The following LIPA variants were observed in gnomAD, a reference collection of about 807,000 sequenced individuals.
LIPA encodes lysosomal acid lipase/cholesteryl ester hydrolase.
Under a neutral mutation model 40.6 loss-of-function variants are expected in LIPA, and 26 were observed. The observed-to-expected ratio is 0.64, with a 90% confidence interval of 0.47 to 0.89. LIPA has a LOEUF of 0.89. LIPA is among the 40% of genes least tolerant of loss of function. The probability of loss-of-function intolerance (pLI) is 0.00; values close to 1 mark genes in which losing one functional copy is unlikely to be tolerated. For missense variants in LIPA, 455 were observed against 479.6 expected (o/e 0.95, Z 0.48); for synonymous variants, 188 against 168.4 (o/e 1.12, Z -0.90).
intron 2 of LIPA, among the ~76,000 whole-genome samples, chr10:89,394,235 A>G (rs1387924588): frequency 6.6e-6 from 1 of 152,238 alleles, no homozygotes; most frequent in African/African-American, 2.4e-5. Context: ...AAACATATTT[A>G]AACATAGAGT....
intron 3 of LIPA, among the ~76,000 whole-genome samples, chr10:89,237,465 T>C (rs1205322739): frequency 1.3e-5 from 2 of 151,842 alleles, no homozygotes; most frequent in East Asian, 1.9e-4. Flanking sequence ...AAAAAAAATA[T>C]ATATATATAT....
At chr10:89,222,686 A>G in intron 7 of LIPA, 104 bp from the exon 8 acceptor site, 1 of 790,492 alleles carries the variant, frequency 1.3e-6, no homozygotes. Context: ...CTAGAGCCAT[A>G]ATCTCAAGTA....
chr10:89,412,452 G>A (rs1841476745), intron 2 of LIPA, among the ~76,000 whole-genome samples: 1 of 152,128 alleles, frequency 6.6e-6, no homozygotes, highest in South Asian at 2.1e-4. Context: ...TCTGTAAAAT[G>A]GACCAATCAG....
chr10:89,409,381 C>A (rs566695168), intron 2 of LIPA, among the ~76,000 whole-genome samples: 2 of 150,448 alleles, frequency 1.3e-5, no homozygotes, highest in Non-Finnish European at 3.0e-5. Flanking sequence ...GCCAATCACC[C>A]GGTAGGGCTT....
chr10:89,255,298 T>C (rs976837730), upstream of LIPA, among the ~76,000 whole-genome samples: 7 of 152,340 alleles, frequency 4.6e-5, no homozygotes, highest in Non-Finnish European at 7.4e-5. Flanking sequence ...ACGTCTTACA[T>C]GGCAGCAGAC....
chr10:89,299,761 A>T (rs546234054), intron 1 of LIPA, among the ~76,000 whole-genome samples: 110 of 152,300 alleles, frequency 7.2e-4, no homozygotes, highest in African/African-American at 2.6e-3. Context: ...TTAAAAAAAA[A>T]AATAACAAAT....
At chr10:89,297,503 C>G (rs1843422273) in intron 1 of LIPA, among the ~76,000 whole-genome samples, 1 of 152,182 alleles carries the variant, frequency 6.6e-6, no homozygotes, top group African/African-American at 2.4e-5. Flanking sequence ...TGACACAGCA[C>G]TGGCTAGACC....
chr10:89,230,886 G>A (rs535685101), intron 3 of LIPA, among the ~76,000 whole-genome samples: 1 of 152,274 alleles, frequency 6.6e-6, no homozygotes, highest in South Asian at 2.1e-4. Flanking sequence ...TTGTTAAGAG[G>A]AATAAGTGAG....
chr10:89,270,392 AG>A (rs1843259279), intron 1 of LIPA, among the ~76,000 whole-genome samples: 1 of 152,256 alleles, frequency 6.6e-6, no homozygotes, highest in East Asian at 1.9e-4. Context: ...CCAAGTAAGC[AG>A]GAAATAGCAA....
At chr10:89,291,983 C>T (rs924980842) in intron 1 of LIPA, 2 of 152,274 alleles carry the variant, frequency 1.3e-5, no homozygotes, top group African/African-American at 4.8e-5. Flanking sequence ...CTCTCAATTT[C>T]CAGGCTCTAG....
chr10:89,301,538 G>A (rs143405379), intron 1 of LIPA, among the ~76,000 whole-genome samples: 1 of 152,258 alleles, frequency 6.6e-6, no homozygotes, highest in African/African-American at 2.4e-5. Flanking sequence ...AACTCACTAC[G>A]CAGCTGGGCT....
rs528237482 is a variant in LIPA at position 89,379,798 on chromosome 10, G to C, written c.61+32993C>G. 2.2e-4 allele frequency among the ~76,000 whole-genome samples: 34 copies of C among 152,284 alleles called. No individual in the cohort carries two copies. The East Asian group carries it at 6.4e-3, about 29-fold the overall frequency. The stretch of plus-strand genomic sequence containing the variant: ...ACCTGTAATCCCAGCACTTTGGGAG[G>C]CCGAGATGGGCAGATCACGAGGTCA... On this transcript the variant is annotated intron_variant, in intron 2 of 8. Transcript: ENST00000371837.
At chr10:89,411,096 T>C (rs1025620142) in intron 2 of LIPA, among the ~76,000 whole-genome samples, 6 of 152,272 alleles carry the variant, frequency 3.9e-5, no homozygotes, top group African/African-American at 1.2e-4. Context: ...TTGCTGTCAG[T>C]GTAAACAAGG....
chr10:89,394,619 T>G (rs1844313254), intron 2 of LIPA, among the ~76,000 whole-genome samples: 1 of 29,018 alleles, frequency 3.4e-5, no homozygotes, highest in Admixed American at 3.5e-4. Flanking sequence ...TATATATATA[T>G]ATATATATAA....
rs370591142 is a variant in LIPA at position 89,309,654 on chromosome 10, C to A, written c.-2+32957G>T. ...TGTCCTTGCATGTCATGCCTCCAGT[C>A]CCTTGCTGGAACAGGACCCTTAGTG... On this transcript the variant is annotated intron_variant, in intron 1 of 5. Coordinates refer to the LIPA transcript ENST00000282673. Among the ~76,000 whole-genome samples, 4 of 152,230 alleles carry A rather than the reference C, an allele frequency of 2.6e-5. No homozygotes were observed. In the East Asian group the frequency reaches 7.7e-4, roughly 29 times the overall value.
intron 1 of LIPA, chr10:89,284,573 A>G (rs1843331889): frequency 6.6e-6 from 1 of 152,240 alleles, no homozygotes; most frequent in Admixed American, 6.5e-5. Flanking sequence ...GATTTTTCTC[A>G]GGATATGAAT....
At position 89,332,405 on chromosome 10, in the gene LIPA, C is replaced by T. The variant is rs914974029; in HGVS notation, c.-2+10206G>A. ...AAATCTGTCTGGAACATGTTCCTGG[C>T]GTGAGTGAGCTCAGTTCTCACAGAT... On this transcript the variant is annotated intron_variant, in intron 1 of 5. Transcript: ENST00000282673. 4.5e-6 allele frequency: 5 copies of T among 1,120,438 alleles called. No homozygotes were observed. The East Asian group carries it at 8.2e-5, about 18-fold the overall frequency. 69.4% of individuals were successfully genotyped at this position (1,120,438 alleles called of 1,614,324 possible).
At chr10:89,255,883 A>G (rs1843178208), upstream of LIPA, among the ~76,000 whole-genome samples, 1 of 152,228 alleles carries the variant, frequency 6.6e-6, no homozygotes, top group Non-Finnish European at 1.5e-5. Flanking sequence ...ACAGGTAATG[A>G]CATTGCTGAG....
intron 1 of LIPA, among the ~76,000 whole-genome samples, chr10:89,318,422 T>C (rs540603739): frequency 1.2e-3 from 178 of 152,262 alleles, no homozygotes; most frequent in South Asian, 2.7e-3. Context: ...TCCTAGTCTC[T>C]GATAAAACAG....
Sources: gnomAD v4.1 joint callset for allele counts (sites outside exome capture counted in the v4.1 genomes callset) on GRCh38, gnomAD v4.1.1 for gene constraint, MANE v1.5 for transcripts, NCBI Gene and HGNC (gene_info 2026-07-23, HGNC 2026-07-21) for gene names.